OSBPL8: variants seen among roughly 807,000 people sequenced by gnomAD.
The protein encoded by OSBPL8 is oxysterol binding protein like 8.
Under a neutral mutation model 125.5 loss-of-function variants are expected in OSBPL8, and 59 were observed. The ratio of observed to expected loss-of-function variants is 0.47; its 90% CI spans 0.38 to 0.58. The LOEUF (loss-of-function observed/expected upper bound fraction) is 0.58, where lower values mean the gene tolerates loss of function less well. Ranked by LOEUF, OSBPL8 falls within the 20% of genes least tolerant of loss-of-function variation. OSBPL8 has a pLI of 0.00. For missense variants in OSBPL8, 758 were observed against 1,047.8 expected, an observed-to-expected ratio of 0.72 and a Z score of 3.82; for synonymous variants, 330 against 338.9, an observed-to-expected ratio of 0.97 and a Z score of 0.29.
chr12:76,414,995 A>G (rs74103426), intron 4 of OSBPL8, among the ~76,000 whole-genome samples: 53 of 152,270 alleles, frequency 3.5e-4, no homozygotes, highest in Middle Eastern at 3.4e-3. Flanking sequence ...ATAAAAAGAT[A>G]TTGCTACTAC....
chr12:76,369,586 A>C (rs1952543458), intron 20 of OSBPL8, 51 bp downstream of exon 20: 4 of 1,529,516 alleles, frequency 2.6e-6, no homozygotes, highest in Non-Finnish European at 3.6e-6. Context: ...AAATAAAGGC[A>C]ACAAACCATG....
chr12:76,459,729 T>C, intron 3 of OSBPL8, 130 bp downstream of exon 3: 12 of 1,057,490 alleles, frequency 1.1e-5, no homozygotes, highest in Middle Eastern at 2.1e-4. Context: ...TTACTTTATA[T>C]TTCAATTCCT....
At chr12:76,498,702 T>C (rs61925522) in intron 1 of OSBPL8, among the ~76,000 whole-genome samples, 20,968 of 150,972 alleles carry the variant, frequency 0.14, 1,942 homozygotes, top group Non-Finnish European at 0.22. Flanking sequence ...CTCTGGCACT[T>C]AGTGGTAATA....
At chr12:76,424,002 T>A (rs1869832400) in intron 4 of OSBPL8, among the ~76,000 whole-genome samples, 1 of 152,132 alleles carries the variant, frequency 6.6e-6, no homozygotes, top group Admixed American at 6.6e-5. Context: ...ATTTCTTTTT[T>A]GTTTTTTGGG....
chr12:76,369,878 T>C, intron 19 of OSBPL8, 56 bp from the exon 20 acceptor site: 1 of 1,478,472 alleles, frequency 6.8e-7, no homozygotes, highest in Non-Finnish European at 9.1e-7. Flanking sequence ...AAATAAAATC[T>C]ATATAGAATA....
intron 1 of OSBPL8, among the ~76,000 whole-genome samples, chr12:76,515,894 A>AC (rs1447809166): frequency 5.3e-5 from 8 of 151,522 alleles, no homozygotes; most frequent in African/African-American, 9.7e-5. Flanking sequence ...CATCTTGGTG[A>AC]CCCCCCCACT....
intron 4 of OSBPL8, among the ~76,000 whole-genome samples, chr12:76,417,079 C>T (rs1868775976): frequency 6.6e-6 from 1 of 152,150 alleles, no homozygotes; most frequent in African/African-American, 2.4e-5. Flanking sequence ...TCATATATTG[C>T]AAATCTCTCT....
chr12:76,394,667 G>A lies in OSBPL8; in HGVS notation c.735C>T (p.Ile245=). ...TQPLPSSYLI[I]RATSESDGRC... is the part of the protein sequence containing the mutation. Reference sequence around the variant, plus strand: ...TACCATCTGACTCTGAAGTAGCTCGGATGATCAAATAACTGCTAGGTAAGG... The same window carrying A: ...TACCATCTGACTCTGAAGTAGCTCGAATGATCAAATAACTGCTAGGTAAGG... The change falls in exon 9 of 24, where the codon ATC becomes ATT. Residue 245 remains isoleucine, a synonymous_variant. Coordinates refer to ENST00000261183, the MANE Select transcript of OSBPL8 (RefSeq NM_020841.5). 6.2e-7 allele frequency: 1 copy of A among 1,612,344 alleles called. No homozygotes were observed. The highest frequency in any genetic ancestry group is 8.5e-7 in the Non-Finnish European group (1 of 1,179,244).
At chr12:76,504,086 CAA>C (rs74964976) in intron 1 of OSBPL8, among the ~76,000 whole-genome samples, 9 of 98,314 alleles carry the variant, frequency 9.2e-5, no homozygotes, top group Admixed American at 1.1e-4. Context: ...ACTTAAAGGC[CAA>C]AAAAAAAAAA....
intron 4 of OSBPL8, among the ~76,000 whole-genome samples, chr12:76,413,033 A>T (rs1340664137): frequency 6.6e-6 from 1 of 152,228 alleles, no homozygotes; most frequent in African/African-American, 2.4e-5. Flanking sequence ...AAAAGGGTCT[A>T]ATCTTTGTAT....
chr12:76,540,400 T>C (rs1950606365), intron 1 of OSBPL8, among the ~76,000 whole-genome samples: 1 of 152,126 alleles, frequency 6.6e-6, no homozygotes, highest in South Asian at 2.1e-4. Context: ...ATCTGACTTT[T>C]AGATTTAAGA....
intron 2 of OSBPL8, among the ~76,000 whole-genome samples, chr12:76,479,819 T>C (rs555539099): frequency 6.6e-6 from 1 of 152,068 alleles, no homozygotes; most frequent in African/African-American, 2.4e-5. Context: ...ATTTAAAAGA[T>C]TCAAAAAGAC....
intron 1 of OSBPL8, among the ~76,000 whole-genome samples, chr12:76,514,230 C>T (rs1223468819): frequency 1.3e-5 from 2 of 152,032 alleles, no homozygotes; most frequent in African/African-American, 4.8e-5. Context: ...CTGCAACCTC[C>T]GCCTCCCGGG....
chr12:76,420,750 G>C (rs1869375346), intron 4 of OSBPL8, among the ~76,000 whole-genome samples: 1 of 151,898 alleles, frequency 6.6e-6, no homozygotes, highest in South Asian at 2.1e-4. Flanking sequence ...GGAGATATTA[G>C]ATGTACTTTT....
chr12:76,412,873 A>AC (rs984215615), intron 4 of OSBPL8, among the ~76,000 whole-genome samples: 2 of 152,088 alleles, frequency 1.3e-5, no homozygotes, highest in African/African-American at 4.8e-5. Context: ...ACGCAAGGCC[A>AC]CCCCTTCAGG....
intron 1 of OSBPL8, among the ~76,000 whole-genome samples, chr12:76,534,501 T>C (rs1950437859): frequency 6.6e-6 from 1 of 152,190 alleles, no homozygotes; most frequent in African/African-American, 2.4e-5. Context: ...AGAATACCAA[T>C]TGCTGTCTAA....
intron 1 of OSBPL8, among the ~76,000 whole-genome samples, chr12:76,501,299 G>T (rs1189849570): frequency 6.6e-6 from 1 of 152,070 alleles, no homozygotes; most frequent in Non-Finnish European, 1.5e-5. Context: ...TTTTTAACAT[G>T]TAAGCTGGGG....
chr12:76,516,817 C>CT (rs71668730), intron 1 of OSBPL8, among the ~76,000 whole-genome samples: 2,143 of 130,786 alleles, frequency 0.016, 20 homozygotes, highest in South Asian at 0.027. Context: ...CTTTTCTTTT[C>CT]TTTTTTTTTT....
At chr12:76,555,039 C>T (rs1317939197) in intron 1 of OSBPL8, among the ~76,000 whole-genome samples, 1 of 152,118 alleles carries the variant, frequency 6.6e-6, no homozygotes, top group African/African-American at 2.4e-5. Context: ...AGAAATAATG[C>T]AGATGTCTGT....
Sources: allele counts gnomAD v4.1 joint callset (sites outside exome capture counted in the v4.1 genomes callset), GRCh38; gene constraint gnomAD v4.1.1; transcripts MANE v1.5; gene names NCBI Gene and HGNC (gene_info 2026-07-23, HGNC 2026-07-21).